Variants in ATL1 observed in about 807,000 individuals in gnomAD.
ATL1 encodes the protein atlastin GTPase 1, also known as atlastin-1.
Under a neutral mutation model 75.5 loss-of-function variants are expected in ATL1, and 31 were observed. The observed-to-expected ratio is 0.41, with a 90% confidence interval of 0.31 to 0.55. The LOEUF is 0.55. ATL1 is among the 20% of genes least tolerant of loss of function. The pLI is 0.27. For synonymous variants in ATL1, 226 were observed against 233.3 expected (o/e 0.97, Z 0.28); for missense variants, 405 against 662.6 (o/e 0.61, Z 4.27).
chr14:50,572,057 T>G, intron 1 of ATL1: 1 of 545,970 alleles, frequency 1.8e-6, no homozygotes. Flanking sequence ...ACAATATTCC[T>G]TGGACATGTC....
rs772206990 is a variant in ATL1 at position 50,587,840 on chromosome 14, C to T, written c.44C>T (p.Ser15Leu). The change falls in exon 2 of 14, where the codon TCG becomes TTG. Residue 15 changes from serine to leucine, a missense_variant. By Grantham distance (145) the Ser-to-Leu change is moderately radical. Transcript: ENST00000358385. Reference protein sequence around the residue: ...RRDRNSWGGFSEKTYEWSSEE... With the variant: ...RRDRNSWGGFLEKTYEWSSEE... ...CTGCTCTGTTCAACAGGTGGATTTT[C>T]GGAAAAGACATATGAATGGAGCTCA... The T allele has an allele frequency of 8.7e-6, 14 of 1,613,980 alleles. No individual in the cohort carries two copies. The East Asian group carries it at 1.1e-4, about 13-fold the overall frequency.
At chr14:50,586,537 T>A (rs1036717017) in intron 1 of ATL1, among the ~76,000 whole-genome samples, 3 of 152,188 alleles carry the variant, frequency 2.0e-5, no homozygotes, top group African/African-American at 7.2e-5. Flanking sequence ...ACATTGGGGA[T>A]TAAGGTTTCT....
chr14:50,565,116 A>C (rs2038890654), intron 1 of ATL1, among the ~76,000 whole-genome samples: 1 of 151,860 alleles, frequency 6.6e-6, no homozygotes, highest in South Asian at 2.1e-4. Flanking sequence ...GTGAAACCCC[A>C]TCTCTACTAA....
At chr14:50,589,732 A>G (rs72679552) in intron 2 of ATL1, among the ~76,000 whole-genome samples, 200 of 152,336 alleles carry the variant, frequency 1.3e-3, no homozygotes, top group Non-Finnish European at 2.5e-3. Context: ...AATAGAACAA[A>G]TTCACAGAAG....
At chr14:50,600,345 C>G (rs2039260666) in intron 6 of ATL1, among the ~76,000 whole-genome samples, 1 of 151,680 alleles carries the variant, frequency 6.6e-6, no homozygotes, top group South Asian at 2.1e-4. Flanking sequence ...TATGAAATGT[C>G]AGTGACAAGA....
At position 50,597,911 on chromosome 14, in the gene ATL1, G is replaced by T. The variant is rs574241307; in HGVS notation, c.630+2279G>T. Among the ~76,000 whole-genome samples, 47 of 152,178 alleles carry T rather than the reference G, an allele frequency of 3.1e-4. 1 individual carries two copies. Among genetic ancestry groups the T allele is most frequent in the African/African-American group, 1.1e-3 (47 of 41,528 alleles). On this transcript the variant is annotated intron_variant, in intron 6 of 13. Coordinates refer to ENST00000358385, the MANE Select transcript of ATL1 (RefSeq NM_015915.5). ...AGGGTTTCACCATGTTAACCAGGATGGTCTTGATCTCCTGACCTCATGATC... is the reference window on the plus strand; with the variant it reads ...AGGGTTTCACCATGTTAACCAGGATTGTCTTGATCTCCTGACCTCATGATC...
chr14:50,539,972 A>G (rs1453974361), intron 1 of ATL1, among the ~76,000 whole-genome samples: 2 of 152,074 alleles, frequency 1.3e-5, no homozygotes, highest in Admixed American at 6.5e-5. Context: ...TATTCATACC[A>G]TGCCCAGGAG....
intron 4 of ATL1, among the ~76,000 whole-genome samples, chr14:50,592,929 A>AAAAAAAATAT (rs562590227): frequency 2.6e-5 from 3 of 113,880 alleles, no homozygotes; most frequent in African/African-American, 1.1e-4. Context: ...AAAAAAAAAA[A>AAAAAAAATAT]ATATATATAT....
chr14:50,583,658 G>A (rs929553504), intron 1 of ATL1, among the ~76,000 whole-genome samples: 4 of 152,142 alleles, frequency 2.6e-5, no homozygotes, highest in Admixed American at 2.6e-4. Flanking sequence ...ATCTATAAAT[G>A]TAACTTCAGT....
At chr14:50,595,454 G>GT (rs1343333612) in intron 5 of ATL1, 122 bp from the exon 6 acceptor site, 13 of 854,904 alleles carry the variant, frequency 1.5e-5, no homozygotes, top group Non-Finnish European at 2.5e-5. Flanking sequence ...GTAATATTCT[G>GT]TTATACCTAG....
At chr14:50,547,000 C>T (rs553783847) in intron 1 of ATL1, among the ~76,000 whole-genome samples, 1 of 152,226 alleles carries the variant, frequency 6.6e-6, no homozygotes, top group South Asian at 2.1e-4. Flanking sequence ...CCCCCACCCC[C>T]CAACAGGCCC....
intron 8 of ATL1, among the ~76,000 whole-genome samples, chr14:50,615,044 T>C (rs1336234721): frequency 1.3e-5 from 2 of 152,208 alleles, no homozygotes; most frequent in South Asian, 2.1e-4. Context: ...TGTATACTTA[T>C]AGGATGTAAT....
intron 6 of ATL1, among the ~76,000 whole-genome samples, chr14:50,605,555 T>C (rs1445484382): frequency 6.6e-6 from 1 of 152,022 alleles, no homozygotes; most frequent in Non-Finnish European, 1.5e-5. Context: ...TGTTGATTCA[T>C]CCCTATTTTA....
intron 1 of ATL1, among the ~76,000 whole-genome samples, chr14:50,565,182 TG>T (rs1264475532): frequency 2.0e-5 from 3 of 151,838 alleles, no homozygotes; most frequent in Admixed American, 2.0e-4. Flanking sequence ...CCCAGCTACT[TG>T]GGAGGCTAAG....
intron 6 of ATL1, among the ~76,000 whole-genome samples, chr14:50,601,929 A>G (rs911134219): frequency 6.6e-6 from 1 of 152,196 alleles, no homozygotes; most frequent in African/African-American, 2.4e-5. Context: ...GAACCTAGTG[A>G]AAATGTCTTG....
At chr14:50,550,286 T>C (rs893582297) in intron 1 of ATL1, among the ~76,000 whole-genome samples, 2 of 152,352 alleles carry the variant, frequency 1.3e-5, no homozygotes, top group South Asian at 4.1e-4. Context: ...GCAGCCTCAT[T>C]AATAGGGCCA....
intron 1 of ATL1, among the ~76,000 whole-genome samples, chr14:50,537,602 G>A (rs1292798809): frequency 1.3e-5 from 2 of 152,224 alleles, no homozygotes; most frequent in Non-Finnish European, 2.9e-5. Flanking sequence ...CAGCCAGAGG[G>A]AGGCTGTACC....
rs1460910775 is a variant in ATL1, at chr14:50,591,432, T to G, written c.418-103T>G. 4 of 770,290 alleles carry G rather than the reference T, an allele frequency of 5.2e-6. No homozygotes were observed. The East Asian group carries it at 1.1e-4, about 21-fold the overall frequency. The allele number at this position is 770,290 out of a possible 1,614,324, so 47.7% of individuals were successfully genotyped here. A position where few individuals can be genotyped will look rare whatever the true frequency, so the allele number is the denominator to read the frequency against. On this transcript the variant is annotated intron_variant, in intron 3 of 13. Transcript: ENST00000358385. ...GTGTAAGAAATTATCTAAAATAGTA[T>G]TGATTAATAATGGTTTGCTTTAGTT...
At chr14:50,595,382 A>G (rs562419855) in intron 5 of ATL1, among the ~76,000 whole-genome samples, 194 bp from the exon 6 acceptor site, 2 of 152,318 alleles carry the variant, frequency 1.3e-5, no homozygotes, top group East Asian at 1.9e-4. Flanking sequence ...TCTAATTGCC[A>G]TGGCTCTGCT....
Sources: allele counts gnomAD v4.1 joint callset (sites outside exome capture counted in the v4.1 genomes callset), GRCh38; gene constraint gnomAD v4.1.1; transcripts MANE v1.5; gene names NCBI Gene and HGNC (gene_info 2026-07-23, HGNC 2026-07-21).